BEND5: variants seen among roughly 807,000 people sequenced by gnomAD.
BEND5 encodes BEN domain-containing protein 5.
A neutral mutation model predicts 43.9 loss-of-function variants in BEND5; 22 were observed. The observed-to-expected ratio is 0.50, with a 90% confidence interval of 0.36 to 0.72. BEND5 has a LOEUF of 0.72. Among genes scored for constraint, BEND5 ranks in the 30% least tolerant of loss-of-function variants. The probability of loss-of-function intolerance (pLI) is 0.00; values close to 1 mark genes in which losing one functional copy is unlikely to be tolerated. For synonymous variants in BEND5, 228 were observed against 225.9 expected, an observed-to-expected ratio of 1.01 and a Z score of -0.08; for missense variants, 428 against 550.6, an observed-to-expected ratio of 0.78 and a Z score of 2.23.
At chr1:48,744,838 C>A (rs537780303) in intron 3 of BEND5, among the ~76,000 whole-genome samples, 5 of 152,306 alleles carry the variant, frequency 3.3e-5, no homozygotes, top group African/African-American at 9.6e-5. Context: ...CAATATTCAC[C>A]TCTGCTCAGG....
chr1:48,729,374 C>T (rs571511277), intron 5 of BEND5, among the ~76,000 whole-genome samples: 9 of 152,212 alleles, frequency 5.9e-5, no homozygotes, highest in East Asian at 1.9e-4. Context: ...GAATGTACCA[C>T]GGGAATGTGT....
chr1:48,750,588 T>G (rs1651545479), intron 3 of BEND5, among the ~76,000 whole-genome samples: 1 of 152,210 alleles, frequency 6.6e-6, no homozygotes, highest in South Asian at 2.1e-4. Context: ...AGACTGTGAC[T>G]TCTTTAAGGT....
chr1:48,737,037 A>G (rs1214749389), intron 4 of BEND5, among the ~76,000 whole-genome samples: 1 of 152,142 alleles, frequency 6.6e-6, no homozygotes, highest in Non-Finnish European at 1.5e-5. Flanking sequence ...TAATCCCAGC[A>G]CTTTGGGAGG....
intron 1 of BEND5, among the ~76,000 whole-genome samples, chr1:48,764,086 A>G (rs557782093): frequency 6.2e-4 from 95 of 152,312 alleles, no homozygotes; most frequent in African/African-American, 2.3e-3. Context: ...TGGGGATACA[A>G]GATAAAAACA....
chr1:48,737,706 C>G (rs1384262019), intron 4 of BEND5, among the ~76,000 whole-genome samples: 1 of 152,088 alleles, frequency 6.6e-6, no homozygotes, highest in Non-Finnish European at 1.5e-5. Context: ...AATTTGTTCT[C>G]CTTTCTGCAT....
chr1:48,732,106 C>T (rs1052026304), intron 5 of BEND5, among the ~76,000 whole-genome samples: 4 of 151,726 alleles, frequency 2.6e-5, no homozygotes, highest in African/African-American at 9.7e-5. Flanking sequence ...AGATTTGGGG[C>T]CAAACAGATG....
At chr1:48,756,537 G>C (rs949257023) in intron 3 of BEND5, among the ~76,000 whole-genome samples, 1 of 152,152 alleles carries the variant, frequency 6.6e-6, no homozygotes, top group Non-Finnish European at 1.5e-5. Context: ...AGAAAATAAG[G>C]TCATAGGAAA....
At position 48,761,466 on chromosome 1, in the gene BEND5, G is replaced by A. The variant is rs1476925276; in HGVS notation, c.231C>T (p.Asp77=). The A allele has an allele frequency of 1.3e-6, 2 of 1,550,152 alleles. No homozygotes were observed. The highest frequency in any genetic ancestry group is 1.4e-5 in the African/African-American group (1 of 72,934). ...HKAQILALAE[D]KSDLENSVMQ... is the part of the protein sequence containing the mutation. ...TCACACTGTTTTCAAGGTCAGATTT[G>A]TCTTCTAAAATGCATATCAAGAGAA... Residue 77 remains aspartate, a synonymous_variant, in exon 2 of 6, where the codon GAC becomes GAT. Coordinates refer to ENST00000371833, the MANE Select transcript of BEND5 (RefSeq NM_024603.4).
rs190797965 is a variant in BEND5, at chr1:48,732,846, T to C, written c.1108+3393A>G. On this transcript the variant is annotated intron_variant, in intron 5 of 5. Transcript: ENST00000371833. Reference sequence around the variant, plus strand: ...GTGCTTGGTAGGATCAGCGAGAAGATGGCTGGACACAGAGGAGAGGGCCCA... The same window carrying C: ...GTGCTTGGTAGGATCAGCGAGAAGACGGCTGGACACAGAGGAGAGGGCCCA... Among the ~76,000 whole-genome samples, 4 of 152,158 alleles carry C rather than the reference T, an allele frequency of 2.6e-5. No homozygotes were observed. In the East Asian group the frequency reaches 7.7e-4, roughly 29 times the overall value.
At chr1:48,754,510 T>C (rs1043703959) in intron 3 of BEND5, among the ~76,000 whole-genome samples, 5 of 152,154 alleles carry the variant, frequency 3.3e-5, no homozygotes, top group Admixed American at 1.3e-4. Context: ...ACCTTGTACA[T>C]TGGAATGTCA....
At chr1:48,742,424 A>G (rs200337195) in intron 4 of BEND5, among the ~76,000 whole-genome samples, 199 bp downstream of exon 4, 1 of 17,532 alleles carries the variant, frequency 5.7e-5, no homozygotes, top group Admixed American at 4.5e-4. Flanking sequence ...AAGAAAGAAA[A>G]AAAAAAGGAA....
intron 5 of BEND5, 29 bp from the exon 6 acceptor site, chr1:48,728,072 G>T: frequency 2.0e-6 from 3 of 1,535,766 alleles, no homozygotes; most frequent in Non-Finnish European, 2.6e-6. Context: ...CAAGGCCAAG[G>T]ATTAATGGTG....
rs545345777 is a variant in BEND5, at chr1:48,736,661, A to G, written c.895-209T>C. Among the ~76,000 whole-genome samples the G allele has an allele frequency of 1.7e-3, 265 of 152,272 alleles. 2 individuals are homozygous for G. Among genetic ancestry groups the G allele is most frequent in the South Asian group, 8.7e-3 (42 of 4,810 alleles). On this transcript the variant is annotated intron_variant, in intron 4 of 5. Coordinates refer to ENST00000371833, the MANE Select transcript of BEND5 (RefSeq NM_024603.4). This position sits in a 1 kb window ranked among gnomAD's most constrained non-coding sequence, Gnocchi z 4.0. ...CTTATTCTAGGGCTTTATATTTGCT[A>G]TCTTAAATCTTCATGGCAATTGTGG...
chr1:48,748,985 C>T (rs1031230494), intron 3 of BEND5, among the ~76,000 whole-genome samples: 1 of 151,994 alleles, frequency 6.6e-6, no homozygotes, highest in Non-Finnish European at 1.5e-5. Context: ...GCCATACCCT[C>T]GGGGAATCTG....
chr1:48,747,544 C>A (rs1650965305), intron 3 of BEND5, among the ~76,000 whole-genome samples: 1 of 152,208 alleles, frequency 6.6e-6, no homozygotes, highest in Non-Finnish European at 1.5e-5. Flanking sequence ...TATTATATAG[C>A]ATACAAATAA....
At chr1:48,752,397 T>C (rs1432655542) in intron 3 of BEND5, among the ~76,000 whole-genome samples, 1 of 152,174 alleles carries the variant, frequency 6.6e-6, no homozygotes, top group East Asian at 1.9e-4. Flanking sequence ...AAGATGGAAT[T>C]CTGCCCAGGA....
intron 1 of BEND5, among the ~76,000 whole-genome samples, chr1:48,770,240 T>G (rs1424098431): frequency 6.6e-6 from 1 of 152,258 alleles, no homozygotes; most frequent in Non-Finnish European, 1.5e-5. Flanking sequence ...ATCTTTTCTT[T>G]TCCTGCTTAT....
At chr1:48,761,308 A>G in intron 2 of BEND5, 29 bp downstream of exon 2, 1 of 1,535,438 alleles carries the variant, frequency 6.5e-7, no homozygotes, top group Non-Finnish European at 8.8e-7. Context: ...GCTCCAGCAT[A>G]CCTCCAAAGA....
At chr1:48,767,625 T>C (rs1334233677) in intron 1 of BEND5, among the ~76,000 whole-genome samples, 2 of 152,214 alleles carry the variant, frequency 1.3e-5, no homozygotes, top group African/African-American at 4.8e-5. Flanking sequence ...CTTTGGGATA[T>C]GCTTCTGGCT....
Sources: allele counts gnomAD v4.1 joint callset (sites outside exome capture counted in the v4.1 genomes callset), GRCh38; gene constraint gnomAD v4.1.1; non-coding constraint Gnocchi (gnomAD v3.1); transcripts MANE v1.5; gene names NCBI Gene and HGNC (gene_info 2026-07-23, HGNC 2026-07-21).